The following CRY1 variants were observed in gnomAD, a reference collection of about 807,000 sequenced individuals.
CRY1 encodes the protein cryptochrome-1.
CRY1 carries 45 observed loss-of-function variants against 76.0 expected under a neutral mutation model. The ratio of observed to expected loss-of-function variants is 0.59; its 90% CI spans 0.47 to 0.76. CRY1 has a LOEUF of 0.76. CRY1 is among the 30% of genes least tolerant of loss of function. CRY1 has a pLI of 0.00. For synonymous variants in CRY1, 248 were observed against 244.0 expected (o/e 1.02, Z -0.15); for missense variants, 587 against 716.4 (o/e 0.82, Z 2.06).
chr12:107,012,067 G>A (rs554151399), intron 2 of CRY1, among the ~76,000 whole-genome samples: 1 of 152,294 alleles, frequency 6.6e-6, no homozygotes, highest in East Asian at 1.9e-4. Context: ...GTGCACGCCT[G>A]CAGTCCAAGC....
At position 107,093,154 on chromosome 12, in the gene CRY1, G is replaced by C; in HGVS notation, c.-193C>G. On this transcript the variant is annotated 5_prime_UTR_variant, in exon 1 of 13. Transcript: ENST00000008527. The stretch of plus-strand genomic sequence containing the variant: ...GGCGCCGGAGGCGCAGTGGAAAGAT[G>C]AATGGAGGTTGCCTAGTCGGCGGAG... 1.6e-6 allele frequency: 1 copy of C among 643,474 alleles called. No homozygotes were observed. Among genetic ancestry groups the C allele is most frequent in the Non-Finnish European group, 2.5e-6 (1 of 404,250 alleles). The allele number at this position is 643,474 out of a possible 1,614,324, so 39.9% of individuals were successfully genotyped here.
intron 1 of CRY1, among the ~76,000 whole-genome samples, chr12:107,049,278 T>C (rs1468530719): frequency 6.6e-6 from 1 of 152,238 alleles, no homozygotes; most frequent in Non-Finnish European, 1.5e-5. Flanking sequence ...TTTTCAGAAT[T>C]GACTTTTGCA....
chr12:106,994,622 T>C (rs758209103), intron 10 of CRY1, among the ~76,000 whole-genome samples: 1 of 152,218 alleles, frequency 6.6e-6, no homozygotes, highest in South Asian at 2.1e-4. Context: ...CCTATATACA[T>C]TTGTGAAGCA....
At chr12:107,069,778 T>C (rs1276227033) in intron 1 of CRY1, among the ~76,000 whole-genome samples, 1 of 147,644 alleles carries the variant, frequency 6.8e-6, no homozygotes, top group Admixed American at 6.8e-5. Context: ...ATATATACTT[T>C]AAACTTCGAC....
chr12:107,060,842 G>A (rs1378677044), intron 1 of CRY1, among the ~76,000 whole-genome samples: 1 of 152,106 alleles, frequency 6.6e-6, no homozygotes, highest in Non-Finnish European at 1.5e-5. Context: ...GCCAGGTGTG[G>A]TGGCGGGCAC....
intron 10 of CRY1, among the ~76,000 whole-genome samples, chr12:106,995,608 T>C (rs1201312683): frequency 1.3e-5 from 2 of 152,216 alleles, no homozygotes; most frequent in African/African-American, 4.8e-5. Flanking sequence ...TATGATTTTA[T>C]GCTCTTTTAT....
At chr12:107,021,847 G>A (rs982752017) in intron 2 of CRY1, among the ~76,000 whole-genome samples, 1 of 151,976 alleles carries the variant, frequency 6.6e-6, no homozygotes. Context: ...GCTTCTGGGA[G>A]GGCAACGAGC....
At chr12:107,025,651 G>A (rs1952599589) in intron 1 of CRY1, among the ~76,000 whole-genome samples, 1 of 151,856 alleles carries the variant, frequency 6.6e-6, no homozygotes. Context: ...ATTATCTCTT[G>A]CTTGTATTTA....
At chr12:107,034,603 T>C (rs1411213964) in intron 1 of CRY1, among the ~76,000 whole-genome samples, 1 of 152,188 alleles carries the variant, frequency 6.6e-6, no homozygotes, top group East Asian at 1.9e-4. Context: ...AATGCTCCAA[T>C]GAATTCGGTT....
intron 1 of CRY1, among the ~76,000 whole-genome samples, chr12:107,055,502 G>C (rs1016972572): frequency 2.0e-5 from 3 of 152,064 alleles, no homozygotes; most frequent in Non-Finnish European, 4.4e-5. Context: ...AAATTGAATA[G>C]GCTAAATAGG....
At chr12:106,998,755 C>T (rs1593492285) in intron 7 of CRY1, among the ~76,000 whole-genome samples, 1 of 150,718 alleles carries the variant, frequency 6.6e-6, no homozygotes, top group African/African-American at 2.4e-5. Context: ...AAAAAATGTA[C>T]GTAATGGCCG....
At position 107,093,226 on chromosome 12, in the gene CRY1, G is replaced by A. The variant is rs1488957254; in HGVS notation, c.-265C>T. The stretch of plus-strand genomic sequence containing the variant: ...GAGCCCGCGCCCGCCGCAACCGCCT[G>A]GAGGCGACGCATAACTTCGAGGGCC... On this transcript the variant is annotated 5_prime_UTR_variant, in exon 1 of 13. It introduces an in-frame stop codon into an upstream open reading frame of the 5' UTR. Coordinates refer to ENST00000008527, the MANE Select transcript of CRY1 (RefSeq NM_004075.5). The A allele has an allele frequency of 7.3e-6, 3 of 412,776 alleles. No individual in the cohort carries two copies. The highest frequency in any genetic ancestry group is 2.1e-5 in the African/African-American group (1 of 48,410). 25.6% of individuals were successfully genotyped at this position (412,776 alleles called of 1,614,324 possible).
intron 1 of CRY1, among the ~76,000 whole-genome samples, chr12:107,038,737 AATTCCCTTTGTG>A (rs1429104499): frequency 6.6e-6 from 1 of 152,228 alleles, no homozygotes; most frequent in Non-Finnish European, 1.5e-5. Flanking sequence ...TACACAGATC[AATTCCCTTTGTG>A]AGAAACAAAC....
At chr12:107,056,645 A>G (rs1952986096) in intron 1 of CRY1, among the ~76,000 whole-genome samples, 1 of 152,098 alleles carries the variant, frequency 6.6e-6, no homozygotes, top group African/African-American at 2.4e-5. Flanking sequence ...GCCTATGACA[A>G]TTCTTCCAAT....
At chr12:107,052,496 G>C (rs926847321) in intron 1 of CRY1, among the ~76,000 whole-genome samples, 1 of 152,064 alleles carries the variant, frequency 6.6e-6, no homozygotes, top group African/African-American at 2.4e-5. Flanking sequence ...AGTAAAGACA[G>C]AATAATACAA....
intron 2 of CRY1, among the ~76,000 whole-genome samples, chr12:107,019,661 C>T (rs149182580): frequency 4.0e-4 from 61 of 151,614 alleles, no homozygotes; most frequent in African/African-American, 1.4e-3. Context: ...CTAGGTGCTA[C>T]AGCTTATGCC....
intron 2 of CRY1, among the ~76,000 whole-genome samples, chr12:107,010,273 T>A (rs1952428626): frequency 6.6e-6 from 1 of 152,170 alleles, no homozygotes; most frequent in Admixed American, 6.5e-5. Context: ...TTCTTTTTTG[T>A]CCGAATCAGT....
intron 1 of CRY1, among the ~76,000 whole-genome samples, chr12:107,069,882 A>G (rs1953167463): frequency 6.6e-6 from 1 of 151,736 alleles, no homozygotes; most frequent in Admixed American, 6.6e-5. Context: ...ACTAATATGT[A>G]TAAGAAATGC....
At chr12:107,026,704 A>C (rs1027863509) in intron 1 of CRY1, among the ~76,000 whole-genome samples, 7 of 151,552 alleles carry the variant, frequency 4.6e-5, no homozygotes, top group Non-Finnish European at 1.0e-4. Context: ...CACCTAGTAG[A>C]GTCTCTAGCA....
Sources: gnomAD v4.1 joint callset for allele counts (sites outside exome capture counted in the v4.1 genomes callset) on GRCh38, gnomAD v4.1.1 for gene constraint, MANE v1.5 for transcripts, NCBI Gene and HGNC (gene_info 2026-07-23, HGNC 2026-07-21) for gene names.